ACTR3: variants seen among roughly 807,000 people sequenced by gnomAD.
ACTR3 encodes actin related protein 3.
ACTR3 carries 12 observed loss-of-function variants against 56.8 expected under a neutral mutation model. That is an observed-to-expected ratio of 0.21 (90% CI 0.14 to 0.34). The LOEUF is 0.34. ACTR3 is among the 10% of genes least tolerant of loss of function. The probability of loss-of-function intolerance (pLI) is 1.00; values close to 1 mark genes in which losing one functional copy is unlikely to be tolerated. For synonymous variants in ACTR3, 162 were observed against 167.4 expected, an observed-to-expected ratio of 0.97 and a Z score of 0.25; for missense variants, 282 against 512.5, an observed-to-expected ratio of 0.55 and a Z score of 4.34.
chr2:113,940,892 C>T (rs11123219), intron 7 of ACTR3, among the ~76,000 whole-genome samples: 13,812 of 149,808 alleles, frequency 0.092, 1,041 homozygotes, highest in African/African-American at 0.2. Context: ...ACACTCGTGG[C>T]TCACTGCAGC....
chr2:113,914,579 C>T (rs957184998), intron 2 of ACTR3, among the ~76,000 whole-genome samples: 31 of 145,144 alleles, frequency 2.1e-4, no homozygotes, highest in Non-Finnish European at 3.9e-4. Flanking sequence ...CCACTGCATT[C>T]CAGGCCTGGG....
At chr2:113,927,283 T>C in intron 3 of ACTR3, 62 bp from the exon 4 acceptor site, 1 of 1,140,840 alleles carries the variant, frequency 8.8e-7, no homozygotes, top group South Asian at 1.8e-5. Context: ...TCCTTTTTTG[T>C]ATTTTTATTT....
intron 3 of ACTR3, among the ~76,000 whole-genome samples, chr2:113,922,593 C>T (rs1559471991): frequency 6.6e-6 from 1 of 151,508 alleles, no homozygotes; most frequent in Non-Finnish European, 1.5e-5. Context: ...AAAGGCTTGC[C>T]AGGCAAGGTT....
chr2:113,916,622 A>G (rs796568852), intron 2 of ACTR3, among the ~76,000 whole-genome samples: 3 of 152,306 alleles, frequency 2.0e-5, no homozygotes, highest in South Asian at 2.1e-4. Context: ...AATTTAAAAA[A>G]TATATATTTG....
chr2:113,921,107 C>T (rs1679498308), intron 3 of ACTR3, among the ~76,000 whole-genome samples: 1 of 152,124 alleles, frequency 6.6e-6, no homozygotes, highest in Admixed American at 6.5e-5. Context: ...GTTCCCTTTT[C>T]TGCACATCCT....
intron 1 of ACTR3, among the ~76,000 whole-genome samples, chr2:113,899,769 T>C (rs1274218356): frequency 6.6e-6 from 1 of 152,220 alleles, no homozygotes; most frequent in African/African-American, 2.4e-5. Flanking sequence ...GCGTCCTGCA[T>C]GATATTTAAT....
intron 2 of ACTR3, among the ~76,000 whole-genome samples, chr2:113,916,205 A>G (rs1381734394): frequency 6.6e-6 from 1 of 152,182 alleles, no homozygotes; most frequent in Non-Finnish European, 1.5e-5. Flanking sequence ...TCAGACAATT[A>G]TTTTGAATGA....
At chr2:113,926,233 C>T (rs11899049) in intron 3 of ACTR3, among the ~76,000 whole-genome samples, 17,801 of 152,170 alleles carry the variant, frequency 0.12, 1,630 homozygotes, top group East Asian at 0.36. Flanking sequence ...TGCTGACAAA[C>T]CAACTTCTGT....
intron 1 of ACTR3, among the ~76,000 whole-genome samples, chr2:113,893,288 T>G (rs542352118): frequency 3.1e-4 from 47 of 151,412 alleles, no homozygotes; most frequent in African/African-American, 7.8e-4. Flanking sequence ...CTTTTTGTTT[T>G]TTTGTTTGTT....
intron 3 of ACTR3, among the ~76,000 whole-genome samples, chr2:113,918,639 C>G (rs1679451695): frequency 6.6e-6 from 1 of 152,216 alleles, no homozygotes; most frequent in East Asian, 1.9e-4. Context: ...GTCCCCTTGG[C>G]CTGCCAAAGT....
chr2:113,934,521 T>G (rs1427965728), intron 6 of ACTR3, 135 bp downstream of exon 6: 1 of 522,188 alleles, frequency 1.9e-6, no homozygotes, highest in Non-Finnish European at 3.3e-6. Context: ...GTTATAGCTA[T>G]GTTTTGCTCA....
At chr2:113,899,379 T>A (rs554072696) in intron 1 of ACTR3, among the ~76,000 whole-genome samples, 3 of 152,006 alleles carry the variant, frequency 2.0e-5, no homozygotes, top group African/African-American at 7.3e-5. Context: ...CATATGAAAG[T>A]AAAAAAATAG....
chr2:113,952,747 G>A (rs1574385502), intron 10 of ACTR3: 1 of 152,006 alleles, frequency 6.6e-6, no homozygotes, highest in South Asian at 2.1e-4. Context: ...ATTGAACTCT[G>A]TCCCTATAAT....
At chr2:113,939,133 C>T (rs1014522101) in intron 6 of ACTR3, among the ~76,000 whole-genome samples, 1 of 151,882 alleles carries the variant, frequency 6.6e-6, no homozygotes, top group East Asian at 1.9e-4. Flanking sequence ...ACGCCATTCT[C>T]CTGCCTCAGC....
chr2:113,897,631 A>G (rs957428302), intron 1 of ACTR3, among the ~76,000 whole-genome samples: 4 of 144,116 alleles, frequency 2.8e-5, no homozygotes, highest in Non-Finnish European at 3.0e-5. Context: ...GGTTCAAGCT[A>G]TTCTTCTGCC....
In ACTR3 at chr2:113,959,251, T is replaced by A. The variant is rs1342419496; in HGVS notation, c.*1796T>A. ...TAGGTAGAAATAAATGTAGCTTTCT[T>A]ATTTTACACAAATAGGAACTTACTG... On this transcript the variant is annotated 3_prime_UTR_variant, in exon 12 of 12. Coordinates refer to ENST00000263238, the MANE Select transcript of ACTR3 (RefSeq NM_005721.5). 6 of 152,046 alleles carry A rather than the reference T, an allele frequency of 3.9e-5. No individual in the cohort carries two copies. The highest frequency in any genetic ancestry group is 1.4e-4 in the African/African-American group (6 of 41,438). The allele number at this position is 152,046 out of a possible 1,614,324, so 9.4% of individuals were successfully genotyped here.
chr2:113,903,200 T>G (rs2104584882), intron 1 of ACTR3, among the ~76,000 whole-genome samples: 1 of 152,366 alleles, frequency 6.6e-6, no homozygotes, highest in African/African-American at 2.4e-5. Flanking sequence ...AGGTTCTATT[T>G]TAGATCCCCA....
chr2:113,924,376 C>T (rs1421532704), intron 3 of ACTR3, among the ~76,000 whole-genome samples: 1 of 151,966 alleles, frequency 6.6e-6, no homozygotes, highest in Non-Finnish European at 1.5e-5. Flanking sequence ...CATGCCCAGC[C>T]CTTTCTTATT....
At chr2:113,890,533 C>G in intron 1 of ACTR3, 1 of 1,366,400 alleles carries the variant, frequency 7.3e-7, no homozygotes. Context: ...GGGGCGCGGG[C>G]CCGAGATTCA....
Sources: allele counts gnomAD v4.1 joint callset (sites outside exome capture counted in the v4.1 genomes callset), GRCh38; gene constraint gnomAD v4.1.1; transcripts MANE v1.5; gene names NCBI Gene and HGNC (gene_info 2026-07-23, HGNC 2026-07-21).